NCKAP5: variants seen among roughly 807,000 people sequenced by gnomAD.
NCKAP5 encodes the protein NCK associated protein 5.
In NCKAP5, 92 loss-of-function variants were observed where a neutral mutation model predicts 167.0. The ratio of observed to expected loss-of-function variants is 0.55; its 90% CI spans 0.47 to 0.66. The LOEUF (loss-of-function observed/expected upper bound fraction) is 0.66, where lower values mean the gene tolerates loss of function less well. Ranked by LOEUF, NCKAP5 falls within the 30% of genes least tolerant of loss-of-function variation. NCKAP5 has a pLI of 0.00. For synonymous variants in NCKAP5, 891 were observed against 877.4 expected (o/e 1.02, Z -0.27); for missense variants, 2,378 against 2,315.0 (o/e 1.03, Z -0.56).
At chr2:133,537,048 G>A (rs899555335) in intron 2 of NCKAP5, among the ~76,000 whole-genome samples, 3 of 151,944 alleles carry the variant, frequency 2.0e-5, no homozygotes, top group African/African-American at 7.2e-5. Flanking sequence ...TATTTGTTGA[G>A]AAGATTATTC....
chr2:132,918,265 G>T lies in NCKAP5; in HGVS notation c.580-39349C>A, dbSNP rs553366613. On this transcript the variant is annotated intron_variant, in intron 8 of 19. Coordinates refer to ENST00000409261, the MANE Select transcript of NCKAP5 (RefSeq NM_207363.3). ...ATGTCTCAGCCACAAGGAAAGGCTG[G>T]TTTTTTTCTGAAAGGTAGTACTCAA... is the stretch of plus-strand genomic sequence containing the variant. Among the ~76,000 whole-genome samples the T allele has an allele frequency of 1.4e-4, 22 of 152,142 alleles. No homozygotes were observed. In the South Asian group the frequency reaches 1.9e-3, roughly 13 times the overall value.
chr2:133,001,214 A>C (rs978219027), intron 6 of NCKAP5, among the ~76,000 whole-genome samples: 1 of 147,200 alleles, frequency 6.8e-6, no homozygotes, highest in Non-Finnish European at 1.5e-5. Context: ...CCTTTGACTT[A>C]CTTTTTTTTT....
At chr2:133,641,152 G>A in the NCKAP5 span, among the ~76,000 whole-genome samples, 5 of 152,300 alleles carry the variant, frequency 3.3e-5, no homozygotes, top group East Asian at 5.8e-4. Context: ...TCATATGGAC[G>A]TCAGAAATTT....
At chr2:132,871,060 G>A (rs1397534181) in intron 9 of NCKAP5, among the ~76,000 whole-genome samples, 1 of 152,048 alleles carries the variant, frequency 6.6e-6, no homozygotes, top group East Asian at 1.9e-4. Context: ...GTTTTCTTAG[G>A]TATTGTTTTT....
intron 6 of NCKAP5, among the ~76,000 whole-genome samples, chr2:133,072,985 T>C (rs1018660008): frequency 3.3e-5 from 5 of 152,090 alleles, no homozygotes; most frequent in Non-Finnish European, 7.4e-5. Flanking sequence ...AAAATACATA[T>C]AGCAACTATT....
At chr2:132,807,159 G>T (rs1269009124) in intron 11 of NCKAP5, among the ~76,000 whole-genome samples, 1 of 151,986 alleles carries the variant, frequency 6.6e-6, no homozygotes, top group African/African-American at 2.4e-5. Context: ...TGGTGACTAT[G>T]GCCTTATAGT....
intron 2 of NCKAP5, among the ~76,000 whole-genome samples, chr2:133,556,065 G>A (rs187453951): frequency 1.4e-3 from 216 of 152,202 alleles, no homozygotes; most frequent in African/African-American, 5.1e-3. Flanking sequence ...TACACAAAAG[G>A]CCAAATTAAT....
At chr2:132,879,777 A>AG (rs1691608508) in intron 8 of NCKAP5, among the ~76,000 whole-genome samples, 1 of 152,210 alleles carries the variant, frequency 6.6e-6, no homozygotes, top group Non-Finnish European at 1.5e-5. Context: ...ATTTGGAAGT[A>AG]GGGGTATAGT....
At chr2:132,863,348 T>C (rs1451875749) in intron 10 of NCKAP5, among the ~76,000 whole-genome samples, 1 of 150,398 alleles carries the variant, frequency 6.6e-6, no homozygotes, top group Non-Finnish European at 1.5e-5. Context: ...AACGGAAGCA[T>C]ACAGTGTGGA....
chr2:132,687,047 G>A (rs1686037282), intron 19 of NCKAP5, among the ~76,000 whole-genome samples: 1 of 152,088 alleles, frequency 6.6e-6, no homozygotes, highest in African/African-American at 2.4e-5. Context: ...TACCCAAACA[G>A]TTTTATGACA....
chr2:132,829,417 T>G (rs1687363019), intron 11 of NCKAP5, among the ~76,000 whole-genome samples: 1 of 152,144 alleles, frequency 6.6e-6, no homozygotes, highest in Non-Finnish European at 1.5e-5. Context: ...GAACACGGAT[T>G]TGCACACCAC....
intron 3 of NCKAP5, among the ~76,000 whole-genome samples, chr2:133,413,892 A>G (rs755026405): frequency 2.0e-5 from 3 of 152,168 alleles, no homozygotes; most frequent in African/African-American, 7.2e-5. Flanking sequence ...CTGTTTTTCT[A>G]TATAGAGGGA....
chr2:133,434,163 A>C (rs1416490696), intron 3 of NCKAP5, among the ~76,000 whole-genome samples: 1 of 152,202 alleles, frequency 6.6e-6, no homozygotes, highest in African/African-American at 2.4e-5. Flanking sequence ...AAAAATTCTC[A>C]AGGATAATCC....
At chr2:133,561,244 G>GC (rs1322364797) in intron 1 of NCKAP5, among the ~76,000 whole-genome samples, 1 of 152,122 alleles carries the variant, frequency 6.6e-6, no homozygotes, top group Non-Finnish European at 1.5e-5. Context: ...GTTTAACAAG[G>GC]CCCTCTACTG....
intron 6 of NCKAP5, among the ~76,000 whole-genome samples, chr2:133,061,482 T>C (rs1319559383): frequency 2.0e-5 from 3 of 152,206 alleles, no homozygotes; most frequent in Non-Finnish European, 4.4e-5. Context: ...TTTACCTATG[T>C]AACAAACCTT....
chr2:133,349,397 T>C (rs1443057157), intron 3 of NCKAP5, among the ~76,000 whole-genome samples: 1 of 152,216 alleles, frequency 6.6e-6, no homozygotes, highest in African/African-American at 2.4e-5. Context: ...ACTCAGCCTC[T>C]CCTTCTCCCA....
intron 4 of NCKAP5, among the ~76,000 whole-genome samples, chr2:133,285,621 C>CA (rs1679059656): frequency 6.6e-6 from 1 of 152,138 alleles, no homozygotes; most frequent in Non-Finnish European, 1.5e-5. Flanking sequence ...ACTATATCTT[C>CA]AAAAAGCAAT....
intron 3 of NCKAP5, among the ~76,000 whole-genome samples, chr2:133,323,091 C>G (rs1359557603): frequency 6.6e-6 from 1 of 152,158 alleles, no homozygotes; most frequent in Non-Finnish European, 1.5e-5. Flanking sequence ...ATTCATTCAA[C>G]AAATGGACAC....
intron 6 of NCKAP5, among the ~76,000 whole-genome samples, chr2:133,047,093 C>T (rs2149473922): frequency 6.6e-6 from 1 of 152,332 alleles, no homozygotes; most frequent in East Asian, 1.9e-4. Flanking sequence ...AATTCAATGA[C>T]ATTTTTTTCT....
Sources: gnomAD v4.1 joint callset for allele counts (sites outside exome capture counted in the v4.1 genomes callset) on GRCh38, gnomAD v4.1.1 for gene constraint, MANE v1.5 for transcripts, NCBI Gene and HGNC (gene_info 2026-07-23, HGNC 2026-07-21) for gene names.